The following RAB28 variants were observed in gnomAD, a reference collection of about 807,000 sequenced individuals.
RAB28 encodes RAB28, member RAS oncogene family, also known as ras-related protein Rab-28.
RAB28 carries 24 observed loss-of-function variants against 31.7 expected under a neutral mutation model. The ratio of observed to expected loss-of-function variants is 0.76; its 90% CI spans 0.55 to 1.06. RAB28 has a LOEUF of 1.06. Among genes scored for constraint, RAB28 ranks in the 50% least tolerant of loss-of-function variants. The probability of loss-of-function intolerance (pLI) is 0.00; values close to 1 mark genes in which losing one functional copy is unlikely to be tolerated. For synonymous variants in RAB28, 100 were observed against 90.4 expected (o/e 1.11, Z -0.60); for missense variants, 254 against 258.5 (o/e 0.98, Z 0.12).
rs551140474 is a variant in RAB28 at position 13,472,037 on chromosome 4, T to C, written c.261+2281A>G. ...AATGTTCTCATTAATGTCTGCTTAC[T>C]GTAGGCAGCTTTGTAATAACATAAA... is the stretch of plus-strand genomic sequence containing the variant. On this transcript the variant is annotated intron_variant, in intron 3 of 6. Coordinates refer to ENST00000330852, the MANE Select transcript of RAB28 (RefSeq NM_001017979.3). Among the ~76,000 whole-genome samples, 21 of 152,260 alleles carry C rather than the reference T, an allele frequency of 1.4e-4. 1 individual carries two copies. The highest frequency in any genetic ancestry group is 1.3e-3 in the Admixed American group (20 of 15,284).
At chr4:13,431,636 A>G (rs1485817993) in intron 4 of RAB28, among the ~76,000 whole-genome samples, 1 of 152,150 alleles carries the variant, frequency 6.6e-6, no homozygotes, top group Non-Finnish European at 1.5e-5. Context: ...CGCTACAACA[A>G]GCAGCATCTG....
chr4:13,371,008 T>A (rs1367164806), intron 6 of RAB28: 2 of 984,286 alleles, frequency 2.0e-6, no homozygotes, highest in Admixed American at 1.2e-4. Flanking sequence ...AAATAACTTA[T>A]TTCAGGACAC....
intron 4 of RAB28, among the ~76,000 whole-genome samples, chr4:13,444,696 G>C (rs1208978425): frequency 6.6e-6 from 1 of 152,236 alleles, no homozygotes; most frequent in East Asian, 1.9e-4. Flanking sequence ...AGCCATCTAA[G>C]AAGTGTGTGG....
intron 4 of RAB28, among the ~76,000 whole-genome samples, chr4:13,449,751 C>T (rs1038304972): frequency 2.6e-5 from 4 of 151,988 alleles, no homozygotes; most frequent in Non-Finnish European, 5.9e-5. Context: ...AATCATTCAT[C>T]CATCCACTCT....
chr4:13,464,186 C>T (rs1277361134), intron 3 of RAB28, among the ~76,000 whole-genome samples: 2 of 152,056 alleles, frequency 1.3e-5, no homozygotes, highest in African/African-American at 4.8e-5. Context: ...GGGCTACCTC[C>T]ACACTTGCAT....
intron 2 of RAB28, among the ~76,000 whole-genome samples, chr4:13,479,171 A>T (rs1716495250): frequency 6.6e-6 from 1 of 151,740 alleles, no homozygotes; most frequent in South Asian, 2.1e-4. Flanking sequence ...TTTATAAGCA[A>T]CCATTGTTTA....
In RAB28 at chr4:13,385,409, T is replaced by C. The variant is rs530096802; in HGVS notation, c.392-3815A>G. 9.5e-4 allele frequency among the ~76,000 whole-genome samples: 144 copies of C among 151,998 alleles called. 1 individual carries two copies. The highest frequency in any genetic ancestry group is 1.6e-3 in the Non-Finnish European group (107 of 67,992). On this transcript the variant is annotated intron_variant, in intron 4 of 6. Transcript: ENST00000330852. Reference sequence around the variant, plus strand: ...CCCAAGACACATAATCATCAGATCCTCCAAGGTTGAAATAAAAGGAAAAAT... The same window carrying C: ...CCCAAGACACATAATCATCAGATCCCCCAAGGTTGAAATAAAAGGAAAAAT...
intron 4 of RAB28, among the ~76,000 whole-genome samples, chr4:13,383,962 T>C (rs887727059): frequency 1.3e-5 from 2 of 152,162 alleles, no homozygotes; most frequent in African/African-American, 2.4e-5. Flanking sequence ...CAGTGCAGTC[T>C]TGGATGTACT....
At chr4:13,473,562 C>A (rs578157197) in intron 3 of RAB28, among the ~76,000 whole-genome samples, 1 of 151,844 alleles carries the variant, frequency 6.6e-6, no homozygotes, top group South Asian at 2.1e-4. Flanking sequence ...ATTAAAAAGA[C>A]AATTCTTCAC....
intron 4 of RAB28, among the ~76,000 whole-genome samples, chr4:13,439,157 C>T (rs1714281172): frequency 6.6e-6 from 1 of 152,132 alleles, no homozygotes; most frequent in Non-Finnish European, 1.5e-5. Context: ...CAAGTATTTT[C>T]TATACGATAT....
intron 6 of RAB28, among the ~76,000 whole-genome samples, chr4:13,372,772 C>T (rs1728764102): frequency 6.6e-6 from 1 of 151,936 alleles, no homozygotes; most frequent in Non-Finnish European, 1.5e-5. Flanking sequence ...AGCTAAAAAG[C>T]AGAAAGGATT....
At chr4:13,370,292 TA>T (rs1728671675) in intron 6 of RAB28, 5 of 964,240 alleles carry the variant, frequency 5.2e-6, no homozygotes, top group South Asian at 9.6e-5. Context: ...ATAACATATA[TA>T]ATGCCCAGAA....
At chr4:13,459,826 C>A in intron 4 of RAB28, 1 of 1,259,546 alleles carries the variant, frequency 7.9e-7, no homozygotes, top group Non-Finnish European at 1.0e-6. Flanking sequence ...CAATGAAATG[C>A]ATCGCTCAAA....
chr4:13,383,696 C>T (rs1176159103), intron 4 of RAB28, among the ~76,000 whole-genome samples: 1 of 152,138 alleles, frequency 6.6e-6, no homozygotes, highest in Non-Finnish European at 1.5e-5. Flanking sequence ...ACGGCTTTTC[C>T]TGTGCTGTTC....
chr4:13,410,311 T>A (rs550109194), intron 4 of RAB28, among the ~76,000 whole-genome samples: 7 of 152,112 alleles, frequency 4.6e-5, no homozygotes, highest in Admixed American at 1.3e-4. Flanking sequence ...AGCAGTAAAA[T>A]CCCCTAAATC....
At chr4:13,455,161 A>G (rs1442579476) in intron 4 of RAB28, among the ~76,000 whole-genome samples, 2 of 152,010 alleles carry the variant, frequency 1.3e-5, no homozygotes, top group African/African-American at 2.4e-5. Flanking sequence ...AGACACACAG[A>G]TGCTCGGTCA....
chr4:13,418,387 C>G (rs544306962), intron 4 of RAB28, among the ~76,000 whole-genome samples: 214 of 152,226 alleles, frequency 1.4e-3, no homozygotes, highest in Non-Finnish European at 1.4e-3. Flanking sequence ...CATTCAAAAT[C>G]AGGAAATACA....
chr4:13,453,392 T>C (rs1376946979), intron 4 of RAB28, among the ~76,000 whole-genome samples: 2 of 152,144 alleles, frequency 1.3e-5, no homozygotes, highest in African/African-American at 4.8e-5. Context: ...GGTTTTCTGT[T>C]GGGAAAGATT....
rs965675754 is a variant in RAB28, at chr4:13,371,085, T to A, written c.574-2435A>T. ...AAGCATCTTAATATGAGCTGCTGTGTGTGACTACATTTATAAATAAAGATC... is the reference window on the plus strand; with the variant it reads ...AAGCATCTTAATATGAGCTGCTGTGAGTGACTACATTTATAAATAAAGATC... On this transcript the variant is annotated intron_variant, in intron 6 of 6. Transcript: ENST00000330852. 5 of 984,790 alleles carry A rather than the reference T, an allele frequency of 5.1e-6. No individual in the cohort carries two copies. The Admixed American group carries it at 1.8e-4, about 36-fold the overall frequency. 61.0% of individuals were successfully genotyped at this position (984,790 alleles called of 1,614,324 possible).
Sources: allele counts gnomAD v4.1 joint callset (sites outside exome capture counted in the v4.1 genomes callset), GRCh38; gene constraint gnomAD v4.1.1; transcripts MANE v1.5; gene names NCBI Gene and HGNC (gene_info 2026-07-23, HGNC 2026-07-21).